WWOX: variants seen among roughly 807,000 people sequenced by gnomAD.
The protein encoded by WWOX is WW domain-containing oxidoreductase.
Under a neutral mutation model 46.2 loss-of-function variants are expected in WWOX, and 69 were observed. The observed-to-expected ratio is 1.49, with a 90% CI of 1.23 to 1.82. The LOEUF is 1.82. Ranked by LOEUF, WWOX falls within the 40% of genes most tolerant of loss-of-function variation. The probability of loss-of-function intolerance (pLI) is 0.00; values close to 1 mark genes in which losing one functional copy is unlikely to be tolerated. For missense variants in WWOX, 919 were observed against 542.6 expected (o/e 1.69, Z -6.89); for synonymous variants, 359 against 202.6 (o/e 1.77, Z -6.56).
intron 8 of WWOX, among the ~76,000 whole-genome samples, chr16:78,733,407 A>T (rs999031138): frequency 1.3e-5 from 2 of 152,002 alleles, no homozygotes; most frequent in Non-Finnish European, 2.9e-5. Context: ...GTGAGCTACA[A>T]TCATACCACT....
intron 5 of WWOX, among the ~76,000 whole-genome samples, chr16:78,255,557 G>T (rs2038105803): frequency 6.6e-6 from 1 of 152,016 alleles, no homozygotes; most frequent in African/African-American, 2.4e-5. Context: ...CACTATAGGG[G>T]GCATGTTTAC....
intron 8 of WWOX, chr16:78,825,151 A>C (rs1247904187): frequency 1.3e-5 from 2 of 154,958 alleles, no homozygotes; most frequent in East Asian, 3.8e-4. Context: ...AGAGCAACCA[A>C]GTGGCAGGGC....
intron 5 of WWOX, among the ~76,000 whole-genome samples, chr16:78,360,291 A>G (rs1428844386): frequency 2.6e-5 from 4 of 152,126 alleles, no homozygotes; most frequent in African/African-American, 9.7e-5. Context: ...CTCACATAGA[A>G]GTTGGAGAAG....
chr16:78,307,259 T>C (rs11645368), intron 5 of WWOX, among the ~76,000 whole-genome samples: 10,176 of 152,254 alleles, frequency 0.067, 933 homozygotes, highest in African/African-American at 0.21. Flanking sequence ...CAAATAAATG[T>C]TTCTTGAACA....
chr16:78,320,324 G>C (rs1597478629), intron 5 of WWOX, among the ~76,000 whole-genome samples: 1 of 152,118 alleles, frequency 6.6e-6, no homozygotes, highest in South Asian at 2.1e-4. Context: ...ATCCCCTTCG[G>C]TGTAGGTTGT....
chr16:78,477,794 C>G, intron 8 of WWOX, among the ~76,000 whole-genome samples: 1 of 151,972 alleles, frequency 6.6e-6, no homozygotes, highest in East Asian at 1.9e-4. Flanking sequence ...ATTATGAATT[C>G]AAGTCAAACA....
At chr16:78,556,082 A>G (rs2044288292) in intron 8 of WWOX, among the ~76,000 whole-genome samples, 1 of 152,090 alleles carries the variant, frequency 6.6e-6, no homozygotes, top group South Asian at 2.1e-4. Context: ...CTGAAGATTC[A>G]TTCATTGTTC....
chr16:79,174,387 GCC>G (rs2050759306), intron 8 of WWOX, among the ~76,000 whole-genome samples: 1 of 152,180 alleles, frequency 6.6e-6, no homozygotes, highest in Admixed American at 6.5e-5. Flanking sequence ...GGTGGCTCAC[GCC>G]TGTAATCCCA....
At position 78,838,459 on chromosome 16, in the gene WWOX, C is replaced by G. The variant is rs144069847; in HGVS notation, c.1057-373149C>G. Among the ~76,000 whole-genome samples, 391 of 151,260 alleles carry G rather than the reference C, an allele frequency of 2.6e-3. 3 individuals are homozygous for G. Among genetic ancestry groups the G allele is most frequent in the African/African-American group, 8.6e-3 (353 of 41,132 alleles). On this transcript the variant is annotated intron_variant, in intron 8 of 8. Coordinates refer to ENST00000566780, the MANE Select transcript of WWOX (RefSeq NM_016373.4). ...AATATTTTCTTTGGCTGCAAATGTA[C>G]TATAAAAGAGTGAAAAAGCCAATCC...
At chr16:78,392,959 G>C (rs1425842888) in intron 6 of WWOX, among the ~76,000 whole-genome samples, 1 of 152,126 alleles carries the variant, frequency 6.6e-6, no homozygotes, top group Non-Finnish European at 1.5e-5. Context: ...TCTCCTCAGA[G>C]TTAGCGGTAG....
chr16:78,460,192 A>G (rs980005933), intron 8 of WWOX, among the ~76,000 whole-genome samples: 1 of 151,598 alleles, frequency 6.6e-6, no homozygotes, highest in Non-Finnish European at 1.5e-5. Flanking sequence ...CAGTGGCACT[A>G]TCTGGGCTCA....
At chr16:78,193,459 G>C (rs2035944116) in intron 5 of WWOX, among the ~76,000 whole-genome samples, 1 of 152,228 alleles carries the variant, frequency 6.6e-6, no homozygotes, top group South Asian at 2.1e-4. Context: ...ACATTAACTA[G>C]TCTTATTTCT....
chr16:78,422,343 G>A (rs761280109), intron 6 of WWOX, among the ~76,000 whole-genome samples: 5 of 150,086 alleles, frequency 3.3e-5, no homozygotes, highest in Non-Finnish European at 5.9e-5. Context: ...CTTAGGCTGC[G>A]ATGTGAAAAG....
intron 8 of WWOX, among the ~76,000 whole-genome samples, chr16:78,926,421 T>C (rs1459544061): frequency 1.3e-5 from 2 of 152,142 alleles, no homozygotes; most frequent in African/African-American, 4.8e-5. Context: ...CCCATGCAAT[T>C]TGAATGTAAC....
At chr16:78,943,493 AT>A (rs1442327699) in intron 8 of WWOX, among the ~76,000 whole-genome samples, 1 of 152,222 alleles carries the variant, frequency 6.6e-6, no homozygotes, top group African/African-American at 2.4e-5. Flanking sequence ...CAGCTGAGTT[AT>A]CAGATCTTCC....
chr16:78,309,410 T>C (rs1391597709), intron 5 of WWOX, among the ~76,000 whole-genome samples: 1 of 152,144 alleles, frequency 6.6e-6, no homozygotes, highest in Non-Finnish European at 1.5e-5. Flanking sequence ...AATTACCCAG[T>C]TTCAGGCAGT....
intron 8 of WWOX, among the ~76,000 whole-genome samples, chr16:79,192,036 G>C (rs949954328): frequency 6.6e-6 from 1 of 152,174 alleles, no homozygotes; most frequent in Non-Finnish European, 1.5e-5. Context: ...TGGGGCATTC[G>C]CGTTAGAGAC....
At chr16:79,025,845 C>G (rs1211456902) in intron 8 of WWOX, among the ~76,000 whole-genome samples, 1 of 117,354 alleles carries the variant, frequency 8.5e-6, no homozygotes, top group African/African-American at 3.3e-5. Flanking sequence ...GTCGCCTAGG[C>G]TGGAGTGCAA....
chr16:78,533,534 T>C (rs12447976), intron 8 of WWOX, among the ~76,000 whole-genome samples: 2,161 of 152,298 alleles, frequency 0.014, 23 homozygotes, highest in African/African-American at 0.027. Flanking sequence ...TTGGACAAGC[T>C]TAGTCTACAG....
Sources: gnomAD v4.1 joint callset for allele counts (sites outside exome capture counted in the v4.1 genomes callset) on GRCh38, gnomAD v4.1.1 for gene constraint, MANE v1.5 for transcripts, NCBI Gene and HGNC (gene_info 2026-07-23, HGNC 2026-07-21) for gene names.